Variants in MED15 observed in about 807,000 individuals in gnomAD.
MED15 encodes the protein mediator complex subunit 15.
A neutral mutation model predicts 118.7 loss-of-function variants in MED15; 41 were observed. The ratio of observed to expected loss-of-function variants is 0.35; its 90% CI spans 0.27 to 0.45. The LOEUF (loss-of-function observed/expected upper bound fraction) is 0.45. MED15 is among the 20% of genes least tolerant of loss of function. The pLI is 1.00. For missense variants in MED15, 740 were observed against 1,025.5 expected, an observed-to-expected ratio of 0.72 and a Z score of 3.80; for synonymous variants, 436 against 413.9, an observed-to-expected ratio of 1.05 and a Z score of -0.65.
In MED15 at chr22:20,533,330, T is replaced by C. The variant is rs1488541518; in HGVS notation, c.69-3787T>C. Among the ~76,000 whole-genome samples, 3 of 152,144 alleles carry C rather than the reference T, an allele frequency of 2.0e-5. No homozygotes were observed. In the East Asian group the frequency reaches 5.8e-4, roughly 29 times the overall value. ...AAGGGCAGGCATCTGCAGGGAAGTG[T>C]GGGGGATTAGCTGCAGAGTTCCTGG... On this transcript the variant is annotated intron_variant, in intron 1 of 17. Coordinates refer to ENST00000263205, the MANE Select transcript of MED15 (RefSeq NM_001003891.3).
At chr22:20,512,253 A>G (rs543086929) in intron 1 of MED15, among the ~76,000 whole-genome samples, 1 of 152,108 alleles carries the variant, frequency 6.6e-6, no homozygotes, top group African/African-American at 2.4e-5. Flanking sequence ...CTTCCAAAGC[A>G]CTGGGATTAC....
intron 1 of MED15, among the ~76,000 whole-genome samples, chr22:20,528,538 C>G (rs544476397): frequency 1.3e-5 from 2 of 152,194 alleles, no homozygotes. Context: ...AATGCTTGCA[C>G]ACCCTCTGCT....
intron 4 of MED15, chr22:20,554,698 A>G: frequency 2.3e-6 from 1 of 426,278 alleles, no homozygotes; most frequent in Non-Finnish European, 4.2e-6. Flanking sequence ...GTCCCTTAAC[A>G]TTAGGACTCT....
chr22:20,524,757 G>C (rs971109383), intron 1 of MED15, among the ~76,000 whole-genome samples: 11 of 152,316 alleles, frequency 7.2e-5, no homozygotes, highest in African/African-American at 2.4e-4. Context: ...GAGTCGCTGG[G>C]CTTACAGGCG....
rs879233690 is a variant in MED15, at chr22:20,568,525, G to A, written c.1046G>A (p.Arg349Gln). ...LYTQPPLKFV[R>Q]APMVVQQPPV... is the part of the protein sequence containing the mutation. ...ATTCTCTCTTTCTCCCTCAAGGTCCGAGCTCCGATGGTGGTGCAGCAGCCC... is the reference window on the plus strand; with the variant it reads ...ATTCTCTCTTTCTCCCTCAAGGTCCAAGCTCCGATGGTGGTGCAGCAGCCC... The change falls in exon 8 of 18, where the codon CGA becomes CAA. Residue 349 changes from arginine (R) to glutamine (Q), a missense_variant. Arg to Gln is a conservative substitution (Grantham distance 43, BLOSUM62 1). This residue lies in a region of MED15 where 384 missense variants were observed against 506.3 expected (regional missense o/e 0.76). Transcript: ENST00000263205. The A allele has an allele frequency of 1.9e-6, 3 of 1,613,482 alleles. No homozygotes were observed. Among genetic ancestry groups the A allele is most frequent in the South Asian group, 1.1e-5 (1 of 91,056 alleles).
chr22:20,547,965 A>G (rs574462712), intron 2 of MED15, among the ~76,000 whole-genome samples: 1 of 152,234 alleles, frequency 6.6e-6, no homozygotes, highest in South Asian at 2.1e-4. Context: ...GCGTCACTGC[A>G]CTCCAGCCAG....
intron 1 of MED15, among the ~76,000 whole-genome samples, chr22:20,514,677 C>T (rs11703747): frequency 0.11 from 16,472 of 152,152 alleles, 1,250 homozygotes; most frequent in Non-Finnish European, 0.15. Flanking sequence ...TCCAGAGAGA[C>T]GTGAGCTCCA....
chr22:20,524,736 C>T (rs962829390), intron 1 of MED15, among the ~76,000 whole-genome samples: 11 of 152,238 alleles, frequency 7.2e-5, no homozygotes, highest in African/African-American at 1.9e-4. Context: ...ATTCTCCTGC[C>T]TCAGCTTTTG....
chr22:20,580,311 G>A (rs772212289), intron 9 of MED15, among the ~76,000 whole-genome samples: 9 of 152,196 alleles, frequency 5.9e-5, no homozygotes, highest in Non-Finnish European at 1.2e-4. Context: ...CTCTTGAGTG[G>A]CAATGAGGGC....
intron 7 of MED15, among the ~76,000 whole-genome samples, chr22:20,567,859 C>A (rs546700775): frequency 2.0e-5 from 3 of 152,254 alleles, no homozygotes; most frequent in African/African-American, 4.8e-5. Flanking sequence ...GTTTGCCCCC[C>A]ACCCCCACTT....
chr22:20,509,615 G>A (rs2053995310), intron 1 of MED15, among the ~76,000 whole-genome samples: 1 of 152,128 alleles, frequency 6.6e-6, no homozygotes. Context: ...ATTGTGGAAG[G>A]AAGGAAGCCG....
intron 1 of MED15, among the ~76,000 whole-genome samples, chr22:20,516,112 T>C (rs1239381448): frequency 6.6e-6 from 1 of 150,960 alleles, no homozygotes; most frequent in Non-Finnish European, 1.5e-5. Flanking sequence ...AGGTCAGGAG[T>C]TCTAGACCAG....
At chr22:20,518,099 C>G (rs988681132) in intron 1 of MED15, among the ~76,000 whole-genome samples, 1 of 152,238 alleles carries the variant, frequency 6.6e-6, no homozygotes, top group Non-Finnish European at 1.5e-5. Context: ...TGCCATAATG[C>G]GTCAACATCG....
intron 5 of MED15, among the ~76,000 whole-genome samples, chr22:20,557,200 C>G (rs1196773220): frequency 6.6e-6 from 1 of 152,154 alleles, no homozygotes; most frequent in Non-Finnish European, 1.5e-5. Flanking sequence ...GAGTCACACC[C>G]CAGGCCAAGA....
At chr22:20,551,595 G>A (rs2055778750) in intron 3 of MED15, 108 bp downstream of exon 3, 1 of 1,041,088 alleles carries the variant, frequency 9.6e-7, no homozygotes, top group East Asian at 2.4e-5. Flanking sequence ...GAGTCAGAAG[G>A]TCTGTGTCAC....
chr22:20,568,497 C>A, intron 7 of MED15, 24 bp from the exon 8 acceptor site: 1 of 1,611,070 alleles, frequency 6.2e-7, no homozygotes, highest in South Asian at 1.1e-5. Flanking sequence ...GGTTCCAAAT[C>A]ACATTCTCTC....
intron 9 of MED15, among the ~76,000 whole-genome samples, chr22:20,580,548 G>A (rs1279331567): frequency 3.9e-5 from 6 of 152,150 alleles, no homozygotes; most frequent in African/African-American, 1.4e-4. Context: ...GCTTTCTGGG[G>A]TGCAGGTAGA....
rs192510220 is a variant in MED15, at chr22:20,513,942, C to T, written c.68+6196C>T. 9.2e-5 allele frequency among the ~76,000 whole-genome samples: 14 copies of T among 152,284 alleles called. No individual in the cohort carries two copies. In the Middle Eastern group the frequency reaches 0.014, roughly 148 times the overall value. The stretch of plus-strand genomic sequence containing the variant: ...GCAGTGGCATGATCTTGGCCCACTG[C>T]AACCTCTGGCTCCCAGGCTTAAGCG... On this transcript the variant is annotated intron_variant, in intron 1 of 17. Coordinates refer to ENST00000263205, the MANE Select transcript of MED15 (RefSeq NM_001003891.3).
At chr22:20,584,322 C>A in intron 13 of MED15, 37 bp from the exon 14 acceptor site, 1 of 1,605,922 alleles carries the variant, frequency 6.2e-7, no homozygotes, top group Non-Finnish European at 8.5e-7. Flanking sequence ...ACTGCCATGT[C>A]TTCCACTCTT....
Sources: gnomAD v4.1 joint callset for allele counts (sites outside exome capture counted in the v4.1 genomes callset) on GRCh38, gnomAD v4.1.1 for gene constraint, gnomAD v4.1.1 regional missense constraint, MANE v1.5 for transcripts, NCBI Gene and HGNC (gene_info 2026-07-23, HGNC 2026-07-21) for gene names.